The following CALN1 variants were observed in gnomAD, a reference collection of about 807,000 sequenced individuals.
The protein encoded by CALN1 is calcium-binding protein 8.
In CALN1, 17 loss-of-function variants were observed where a neutral mutation model predicts 30.6. That is an observed-to-expected ratio of 0.56 (90% CI 0.38 to 0.83). CALN1 has a LOEUF of 0.83. CALN1 is among the 40% of genes least tolerant of loss of function. The probability of loss-of-function intolerance (pLI) is 0.00; values close to 1 mark genes in which losing one functional copy is unlikely to be tolerated. For missense variants in CALN1, 291 were observed against 354.9 expected, an observed-to-expected ratio of 0.82 and a Z score of 1.45; for synonymous variants, 156 against 131.4, an observed-to-expected ratio of 1.19 and a Z score of -1.28.
the CALN1 span, among the ~76,000 whole-genome samples, chr7:72,470,232 T>A: frequency 6.6e-6 from 1 of 152,172 alleles, no homozygotes; most frequent in African/African-American, 2.4e-5. Context: ...GAATTACATA[T>A]GTGCAGTAAT....
intron 2 of CALN1, among the ~76,000 whole-genome samples, chr7:72,334,462 C>G (rs755903358): frequency 6.6e-6 from 1 of 152,184 alleles, no homozygotes; most frequent in Non-Finnish European, 1.5e-5. Context: ...AGAAGCTACC[C>G]ACTGGAGAGA....
chr7:72,396,881 C>T (rs1585656140), intron 2 of CALN1, among the ~76,000 whole-genome samples: 1 of 152,078 alleles, frequency 6.6e-6, no homozygotes, highest in African/African-American at 2.4e-5. Context: ...GTCCCATATC[C>T]TTGTAGAATC....
At chr7:72,154,837 G>A (rs977479507) in intron 3 of CALN1, among the ~76,000 whole-genome samples, 1 of 152,136 alleles carries the variant, frequency 6.6e-6, no homozygotes. Flanking sequence ...CTTGAGCCTA[G>A]GAGTTGGAGA....
chr7:72,491,616 T>C, the CALN1 span, among the ~76,000 whole-genome samples: 1 of 152,188 alleles, frequency 6.6e-6, no homozygotes, highest in Non-Finnish European at 1.5e-5. Context: ...GGTTCTTTTC[T>C]TTCACGTTCA....
intron 5 of CALN1, among the ~76,000 whole-genome samples, chr7:71,971,478 A>C (rs999065165): frequency 1.1e-4 from 16 of 151,726 alleles, no homozygotes; most frequent in Non-Finnish European, 2.4e-4. Flanking sequence ...CAAACAAAAA[A>C]CCCCGAATAT....
At position 72,146,197 on chromosome 7, in the gene CALN1, T is replaced by C. The variant is rs557011641; in HGVS notation, c.245-39903A>G. On this transcript the variant is annotated intron_variant, in intron 3 of 6. Transcript: ENST00000395275. Reference sequence around the variant, plus strand: ...AAGTCAAATTGTCCCTCTTTGCAGATGACATGATTGTATATCTAGAAAACC... The same window carrying C: ...AAGTCAAATTGTCCCTCTTTGCAGACGACATGATTGTATATCTAGAAAACC... 7.4e-4 allele frequency among the ~76,000 whole-genome samples: 112 copies of C among 152,308 alleles called. 1 individual carries two copies. The highest frequency in any genetic ancestry group is 2.6e-3 in the African/African-American group (110 of 41,570).
At chr7:71,959,965 C>T (rs1426949248) in intron 5 of CALN1, among the ~76,000 whole-genome samples, 1 of 151,798 alleles carries the variant, frequency 6.6e-6, no homozygotes, top group East Asian at 1.9e-4. Context: ...GAAACCCCAT[C>T]TCTACTAAAA....
intron 5 of CALN1, among the ~76,000 whole-genome samples, chr7:71,815,329 T>C (rs961398351): frequency 6.6e-6 from 1 of 152,182 alleles, no homozygotes; most frequent in Non-Finnish European, 1.5e-5. Context: ...TCCTTGCCTG[T>C]TGATGTCACA....
intron 2 of CALN1, among the ~76,000 whole-genome samples, chr7:72,374,559 A>G (rs1213689944): frequency 4.3e-5 from 3 of 69,298 alleles, no homozygotes; most frequent in African/African-American, 9.7e-5. Context: ...GAAAAAAAAG[A>G]AAAAAAAAAC....
chr7:71,981,908 G>A (rs527488946), intron 5 of CALN1, among the ~76,000 whole-genome samples: 3 of 152,042 alleles, frequency 2.0e-5, no homozygotes, highest in African/African-American at 7.2e-5. Context: ...TACGAGAGTC[G>A]AGGAAAAACA....
At chr7:72,413,210 CACACTCAT>C (rs1807287484), upstream of CALN1, among the ~76,000 whole-genome samples, 1 of 151,660 alleles carries the variant, frequency 6.6e-6, no homozygotes, top group African/African-American at 2.4e-5. Context: ...CTCACACACA[CACACTCAT>C]ACACACATAT....
chr7:72,058,335 T>TTTTTTTTTA (rs1491309151), intron 4 of CALN1, among the ~76,000 whole-genome samples: 4 of 118,356 alleles, frequency 3.4e-5, no homozygotes, highest in Non-Finnish European at 6.5e-5. Flanking sequence ...TTTTTTTTTT[T>TTTTTTTTTA]GAGACGGAGT....
chr7:72,255,389 TTTTTC>T (rs760999335), intron 3 of CALN1, among the ~76,000 whole-genome samples: 10 of 112,504 alleles, frequency 8.9e-5, no homozygotes, highest in Admixed American at 1.8e-4. Context: ...CACCCAGCCT[TTTTTC>T]TTTTCTTTTC....
chr7:72,439,856 C>T (rs973915461), intron 1 of CALN1, among the ~76,000 whole-genome samples: 1 of 152,058 alleles, frequency 6.6e-6, no homozygotes, highest in Non-Finnish European at 1.5e-5. Flanking sequence ...GGATTACAGG[C>T]GTGAGCCACT....
At chr7:72,150,060 G>C (rs1585044005) in intron 3 of CALN1, among the ~76,000 whole-genome samples, 1 of 151,460 alleles carries the variant, frequency 6.6e-6, no homozygotes, top group East Asian at 1.9e-4. Context: ...GGAGGCAAGA[G>C]GTTGCAATGA....
chr7:72,098,762 G>GCACACACACACACACA (rs1491515765), intron 4 of CALN1, among the ~76,000 whole-genome samples: 16 of 115,380 alleles, frequency 1.4e-4, no homozygotes, highest in African/African-American at 4.7e-4. Context: ...CCCATTTGGC[G>GCACACACACACACACA]CGCACACACA....
intron 5 of CALN1, among the ~76,000 whole-genome samples, chr7:71,995,926 G>C (rs1799229094): frequency 6.6e-6 from 1 of 152,088 alleles, no homozygotes; most frequent in African/African-American, 2.4e-5. Context: ...ACTTGGCTTA[G>C]GAAGCCTCCT....
At chr7:72,111,855 A>G (rs1313067904) in intron 3 of CALN1, among the ~76,000 whole-genome samples, 1 of 151,592 alleles carries the variant, frequency 6.6e-6, no homozygotes, top group South Asian at 2.1e-4. Flanking sequence ...GGTTCAAGCA[A>G]TTTTCCTGCC....
At chr7:72,049,475 T>C (rs1213682099) in intron 4 of CALN1, among the ~76,000 whole-genome samples, 1 of 152,190 alleles carries the variant, frequency 6.6e-6, no homozygotes, top group Non-Finnish European at 1.5e-5. Flanking sequence ...GCAGGCACAT[T>C]GTTAAGCTAT....
Sources: allele counts gnomAD v4.1 joint callset (sites outside exome capture counted in the v4.1 genomes callset), GRCh38; gene constraint gnomAD v4.1.1; transcripts MANE v1.5; gene names NCBI Gene and HGNC (gene_info 2026-07-23, HGNC 2026-07-21).